The following TBC1D4 variants were observed in gnomAD, a reference collection of about 807,000 sequenced individuals.
TBC1D4 encodes TBC1 domain family member 4.
In TBC1D4, 121 loss-of-function variants were observed where a neutral mutation model predicts 142.5. The observed-to-expected ratio is 0.85, with a 90% CI of 0.73 to 0.99. The LOEUF is 0.99. Among genes scored for constraint, TBC1D4 ranks in the 50% least tolerant of loss-of-function variants. TBC1D4 has a pLI of 0.00. For synonymous variants in TBC1D4, 630 were observed against 628.2 expected, an observed-to-expected ratio of 1.00 and a Z score of -0.04; for missense variants, 1,475 against 1,606.6, an observed-to-expected ratio of 0.92 and a Z score of 1.40.
At chr13:75,436,249 T>G (rs1886795742) in intron 1 of TBC1D4, among the ~76,000 whole-genome samples, 1 of 152,130 alleles carries the variant, frequency 6.6e-6, no homozygotes, top group African/African-American at 2.4e-5. Flanking sequence ...GTGAGTCCAT[T>G]CAAACTTTTT....
intron 3 of TBC1D4, among the ~76,000 whole-genome samples, chr13:75,359,057 C>T (rs1262840991): frequency 6.6e-6 from 1 of 152,126 alleles, no homozygotes; most frequent in Non-Finnish European, 1.5e-5. Flanking sequence ...GATCCAGCTC[C>T]TTGAAGGTAA....
In TBC1D4 at chr13:75,453,281, A is replaced by G. The variant is rs74401643; in HGVS notation, c.498+27989T>C. On this transcript the variant is annotated intron_variant, in intron 1 of 20. Coordinates refer to ENST00000377636, the MANE Select transcript of TBC1D4 (RefSeq NM_014832.5). ...GTTTAACCAATATGTTTAGTTTAAC[A>G]AGGTGTTTCTGACCATTCAAATTTC... Among the ~76,000 whole-genome samples, 830 of 152,204 alleles carry G rather than the reference A, an allele frequency of 5.5e-3. 7 individuals carry two copies. Among genetic ancestry groups the G allele is most frequent in the African/African-American group, 0.019 (803 of 41,562 alleles).
intron 1 of TBC1D4, among the ~76,000 whole-genome samples, chr13:75,426,476 C>G (rs1259402776): frequency 1.3e-5 from 2 of 152,166 alleles, no homozygotes; most frequent in African/African-American, 4.8e-5. Context: ...GACTGTGATT[C>G]TAGACACATC....
intron 1 of TBC1D4, among the ~76,000 whole-genome samples, chr13:75,410,066 A>T (rs2138392360): frequency 6.6e-6 from 1 of 152,370 alleles, no homozygotes; most frequent in Non-Finnish European, 1.5e-5. Context: ...TTGTATAAAC[A>T]AAATAACAGC....
At chr13:75,294,566 G>A (rs1303285669) in intron 18 of TBC1D4, among the ~76,000 whole-genome samples, 1 of 152,130 alleles carries the variant, frequency 6.6e-6, no homozygotes, top group Non-Finnish European at 1.5e-5. Flanking sequence ...CAGATTTTAG[G>A]AGTATACTCT....
intron 14 of TBC1D4, among the ~76,000 whole-genome samples, chr13:75,307,532 G>A (rs1424088746): frequency 6.6e-6 from 1 of 152,046 alleles, no homozygotes; most frequent in Non-Finnish European, 1.5e-5. Flanking sequence ...ACATCTCAGA[G>A]CAATCTGTAT....
rs114413327 is a variant in TBC1D4, at chr13:75,286,727, C to T, written c.*65G>A. ...TCAGGGTCCAGCCTTGGGCCAGCGA[C>T]ATGCAGGCTCTTCCTCTCTGTAGTA... On this transcript the variant is annotated 3_prime_UTR_variant, in exon 21 of 21. Coordinates refer to ENST00000377636, the MANE Select transcript of TBC1D4 (RefSeq NM_014832.5). The T allele has an allele frequency of 3.3e-3, 4,943 of 1,516,070 alleles. 143 individuals carry two copies. The African/African-American group carries it at 0.056, about 17-fold the overall frequency. The allele number at this position is 1,516,070 out of a possible 1,614,324, so 93.9% of individuals were successfully genotyped here.
chr13:75,481,581 G>T lies in TBC1D4; in HGVS notation c.187C>A (p.Arg63Ser). ...GCCTCGGGCTTCTGGCTGCGCCTGC[G>T]GATCTCGGCCATGAGCCAGGGCAGC... ...PMLPWLMAEIRRRSQKPEAGG... is the reference protein window; with the variant it reads ...PMLPWLMAEISRRSQKPEAGG... Residue 63 changes from arginine to serine, a missense_variant, in exon 1 of 21, where the codon CGC becomes AGC. Coordinates refer to ENST00000377636, the MANE Select transcript of TBC1D4 (RefSeq NM_014832.5). The T allele has an allele frequency of 6.2e-7, 1 of 1,604,398 alleles. No individual in the cohort carries two copies. The highest frequency in any genetic ancestry group is 8.5e-7 in the Non-Finnish European group (1 of 1,175,898).
At chr13:75,355,845 T>C (rs747980185) in intron 4 of TBC1D4, among the ~76,000 whole-genome samples, 22 of 152,228 alleles carry the variant, frequency 1.4e-4, no homozygotes, top group Non-Finnish European at 2.8e-4. Context: ...TCTTCTCATA[T>C]GAGCAATGAA....
intron 18 of TBC1D4, among the ~76,000 whole-genome samples, chr13:75,293,259 A>C (rs1188958932): frequency 6.6e-6 from 1 of 152,206 alleles, no homozygotes; most frequent in Non-Finnish European, 1.5e-5. Flanking sequence ...TACAACAGGG[A>C]GTCTTTAATG....
intron 1 of TBC1D4, among the ~76,000 whole-genome samples, chr13:75,415,808 C>T (rs189450327): frequency 2.6e-5 from 4 of 152,182 alleles, no homozygotes; most frequent in Non-Finnish European, 4.4e-5. Context: ...ACCACTGGTA[C>T]CAAAAATGAT....
At chr13:75,435,772 T>C (rs190829532) in intron 1 of TBC1D4, among the ~76,000 whole-genome samples, 1 of 152,288 alleles carries the variant, frequency 6.6e-6, no homozygotes, top group Admixed American at 6.5e-5. Context: ...CTGAAATCCA[T>C]TTTTGTGCCA....
At chr13:75,356,478 C>T (rs1056522795) in intron 3 of TBC1D4, among the ~76,000 whole-genome samples, 11 of 152,216 alleles carry the variant, frequency 7.2e-5, no homozygotes, top group African/African-American at 2.2e-4. Flanking sequence ...AAACATTCTG[C>T]GACTCAAGGC....
intron 1 of TBC1D4, among the ~76,000 whole-genome samples, chr13:75,396,459 A>T (rs1324073988): frequency 1.3e-5 from 2 of 152,220 alleles, no homozygotes; most frequent in Admixed American, 6.5e-5. Context: ...AAGTAAAGAG[A>T]TTCTTAAATA....
chr13:75,418,406 C>T (rs983756905), intron 1 of TBC1D4, among the ~76,000 whole-genome samples: 4 of 152,128 alleles, frequency 2.6e-5, no homozygotes, highest in African/African-American at 7.2e-5. Context: ...GGGCATGCGG[C>T]ATTTGAGCTG....
chr13:75,474,513 T>C (rs544079466), intron 1 of TBC1D4, among the ~76,000 whole-genome samples: 6 of 152,202 alleles, frequency 3.9e-5, no homozygotes, highest in East Asian at 3.9e-4. Context: ...GAGCCGAGAT[T>C]GCGCCACTGC....
At chr13:75,412,254 G>A (rs1434810932) in intron 1 of TBC1D4, among the ~76,000 whole-genome samples, 1 of 152,010 alleles carries the variant, frequency 6.6e-6, no homozygotes, top group East Asian at 1.9e-4. Context: ...TAAATGCACA[G>A]ATGGCCTAAA....
intron 1 of TBC1D4, among the ~76,000 whole-genome samples, chr13:75,391,032 CCACACACACACACACACACA>C (rs71127539): frequency 7.3e-6 from 1 of 136,708 alleles, no homozygotes; most frequent in African/African-American, 2.8e-5. Context: ...TATTCCCCCA[CCACACACACACACACACACA>C]CACACACACA....
chr13:75,309,607 A>G (rs1319233688), intron 14 of TBC1D4, among the ~76,000 whole-genome samples: 1 of 152,210 alleles, frequency 6.6e-6, no homozygotes, highest in Non-Finnish European at 1.5e-5. Flanking sequence ...AAGTGACACT[A>G]AGATAATGAA....
Sources: gnomAD v4.1 joint callset for allele counts (sites outside exome capture counted in the v4.1 genomes callset) on GRCh38, gnomAD v4.1.1 for gene constraint, MANE v1.5 for transcripts, NCBI Gene and HGNC (gene_info 2026-07-23, HGNC 2026-07-21) for gene names.